Variants in RNFT1 observed in about 807,000 individuals in gnomAD.
The protein encoded by RNFT1 is ring finger protein, transmembrane 1.
Under a neutral mutation model 53.2 loss-of-function variants are expected in RNFT1, and 35 were observed. That is an observed-to-expected ratio of 0.66 (90% CI 0.50 to 0.87). The LOEUF is 0.87. Among genes scored for constraint, RNFT1 ranks in the 40% least tolerant of loss-of-function variants. The pLI, the probability that RNFT1 is intolerant of heterozygous loss-of-function variation, is 0.00. For missense variants in RNFT1, 421 were observed against 515.0 expected, an observed-to-expected ratio of 0.82 and a Z score of 1.77; for synonymous variants, 141 against 172.8, an observed-to-expected ratio of 0.82 and a Z score of 1.44.
chr17:59,961,130 G>T (rs1215752671), intron 3 of RNFT1, among the ~76,000 whole-genome samples: 2 of 151,442 alleles, frequency 1.3e-5, no homozygotes. Context: ...CCAACCACCT[G>T]GGGTCAGGCA....
chr17:59,953,604 C>A lies in RNFT1; in HGVS notation c.1173+441G>T, dbSNP rs370072222. ...CAAAGAGCAGTATGATTGGTAGAGC[C>A]ACTAGTGTTCTGGCTGTACCATCCA... On this transcript the variant is annotated intron_variant, in intron 8 of 8. Coordinates refer to ENST00000305783, the MANE Select transcript of RNFT1 (RefSeq NM_016125.4). Among the ~76,000 whole-genome samples, 41 of 152,276 alleles carry A rather than the reference C, an allele frequency of 2.7e-4. 1 individual carries two copies. Among genetic ancestry groups the A allele is most frequent in the African/African-American group, 9.9e-4 (41 of 41,538 alleles).
At position 59,957,267 on chromosome 17, in the gene RNFT1, C is replaced by T. The variant is rs1245786829; in HGVS notation, c.962G>A (p.Trp321Ter). The change falls in exon 6 of 9, where the codon TGG becomes TAG. Residue 321 changes from tryptophan (W) to a stop codon, truncating the protein, a stop_gained. Transcript: ENST00000305783. LOFTEE classifies it high-confidence loss of function. Reference protein sequence around the residue: ...SYGEFGNVTRWSLGILLALLY... With the variant: ...SYGEFGNVTR ...TAAAGCCAGCAGTATCCCAAGACTC[C>T]ATCTAGTTACGTTACCAAACTCCCC... 2.5e-6 allele frequency: 4 copies of T among 1,613,660 alleles called. No homozygotes were observed. The highest frequency in any genetic ancestry group is 3.4e-6 in the Non-Finnish European group (4 of 1,179,876).
intron 5 of RNFT1, among the ~76,000 whole-genome samples, chr17:59,957,914 T>A (rs1480835845): frequency 6.6e-6 from 1 of 152,128 alleles, no homozygotes; most frequent in Non-Finnish European, 1.5e-5. Flanking sequence ...AAAACCTATG[T>A]GAGTATGTTT....
At chr17:59,958,091 A>G (rs1598864258) in intron 5 of RNFT1, among the ~76,000 whole-genome samples, 200 bp downstream of exon 5, 1 of 152,366 alleles carries the variant, frequency 6.6e-6, no homozygotes, top group African/African-American at 2.4e-5. Context: ...TGAAGCAAAT[A>G]TAATTCTGAT....
intron 5 of RNFT1, among the ~76,000 whole-genome samples, chr17:59,957,948 G>C (rs2045264406): frequency 6.6e-6 from 1 of 152,194 alleles, no homozygotes; most frequent in African/African-American, 2.4e-5. Flanking sequence ...GAATTTAAAA[G>C]TTTTTAGTGC....
Position 59,963,212 on chromosome 17 carries a change from G to C in RNFT1, c.129C>G (p.Ser43Arg). The change falls in exon 2 of 9, where the codon AGC becomes AGG. Residue 43 changes from serine to arginine, a missense_variant. Physicochemically the swap from Ser to Arg is moderately radical, Grantham distance 110. Coordinates refer to ENST00000305783, the MANE Select transcript of RNFT1 (RefSeq NM_016125.4). Reference sequence around the variant, plus strand: ...CAGTTCCTGGAGGACTGTGCAGTTGGCTACGATTGGCTTGCATGGCCCTTA... The same window carrying C: ...CAGTTCCTGGAGGACTGTGCAGTTGCCTACGATTGGCTTGCATGGCCCTTA... The part of the protein sequence containing the change: ...KYLRAMQANR[S>R]QLHSPPGTGS... 2 of 1,614,036 alleles carry C rather than the reference G, an allele frequency of 1.2e-6. No individual in the cohort carries two copies. The highest frequency in any genetic ancestry group is 1.7e-6 in the Non-Finnish European group (2 of 1,179,998).
intron 3 of RNFT1, 118 bp from the exon 4 acceptor site, chr17:59,960,286 A>G (rs1158744695): frequency 4.4e-6 from 5 of 1,147,338 alleles, no homozygotes; most frequent in Non-Finnish European, 4.8e-6. Context: ...TTAATATAGA[A>G]TATGTTAAAC....
intron 8 of RNFT1, 76 bp from the exon 9 acceptor site, chr17:59,953,187 A>ATT: frequency 1.3e-5 from 12 of 935,136 alleles, no homozygotes; most frequent in South Asian, 5.2e-5. Flanking sequence ...AATGAAAGGG[A>ATT]TTCTTTTTTT....
intron 3 of RNFT1, chr17:59,962,213 A>T (rs889652744): frequency 2.6e-5 from 5 of 191,626 alleles, no homozygotes; most frequent in African/African-American, 4.7e-5. Flanking sequence ...TGATGGTCTT[A>T]CTTACTATGG....
chr17:59,961,668 C>A (rs541282800), intron 3 of RNFT1, among the ~76,000 whole-genome samples: 128 of 152,052 alleles, frequency 8.4e-4, no homozygotes, highest in Admixed American at 1.4e-3. Context: ...CCTCTGCCTC[C>A]CGGGTTCAAG....
Position 59,957,207 on chromosome 17 carries a change from T to G in RNFT1, c.1005+17A>C. 6.2e-7 allele frequency: 1 copy of G among 1,607,818 alleles called. No homozygotes were observed. The highest frequency in any genetic ancestry group is 8.5e-7 in the Non-Finnish European group (1 of 1,177,360). ...TAATGTGAATCATGCAGTGACAAGA[T>G]TTGTAATGTTACCTACTTTTAATAT... On this transcript the variant is annotated intron_variant, in intron 6 of 8. Transcript: ENST00000305783.
intron 2 of RNFT1, 48 bp downstream of exon 2, chr17:59,962,775 AAATT>A: frequency 6.6e-7 from 1 of 1,513,124 alleles, no homozygotes; most frequent in East Asian, 2.3e-5. Context: ...TAATGAAAGA[AAATT>A]AACTGAATTT....
chr17:59,960,437 CAAAA>C (rs11406596), intron 3 of RNFT1, among the ~76,000 whole-genome samples: 2 of 68,324 alleles, frequency 2.9e-5, no homozygotes, highest in Non-Finnish European at 5.0e-5. Flanking sequence ...AGTCTTCTCT[CAAAA>C]AAAAAAAAAA....
intron 3 of RNFT1, among the ~76,000 whole-genome samples, chr17:59,960,420 G>A (rs1598865480): frequency 1.7e-5 from 1 of 57,836 alleles, no homozygotes. Flanking sequence ...ATGTTTCAAA[G>A]AAGCCAAGTC....
At position 59,952,466 on chromosome 17, in the gene RNFT1, T is replaced by C. The variant is rs2045226455; in HGVS notation, c.*511A>G. The C allele has an allele frequency of 1.3e-5, 2 of 152,306 alleles. No individual in the cohort carries two copies. The highest frequency in any genetic ancestry group is 2.4e-5 in the African/African-American group (1 of 41,442). 9.4% of individuals were successfully genotyped at this position (152,306 alleles called of 1,614,324 possible). On this transcript the variant is annotated 3_prime_UTR_variant, in exon 9 of 9. Transcript: ENST00000305783. ...TAAATTAATCTTCACTTAGAAAATG[T>C]TACTGATAAAATACAACATTTAGAA...
intron 3 of RNFT1, among the ~76,000 whole-genome samples, chr17:59,961,644 T>C (rs2045293027): frequency 6.6e-6 from 1 of 151,974 alleles, no homozygotes; most frequent in Non-Finnish European, 1.5e-5. Context: ...TGGCACAATC[T>C]TGGCTCACTG....
intron 7 of RNFT1, among the ~76,000 whole-genome samples, chr17:59,955,401 C>A (rs970499385): frequency 1.3e-5 from 2 of 152,158 alleles, no homozygotes; most frequent in African/African-American, 2.4e-5. Context: ...ACTGCCATTT[C>A]CCTGGTAAAG....
In RNFT1 at chr17:59,956,538, CA is replaced by C. The variant is rs1224280935; in HGVS notation, c.1020del (p.Phe340LeufsTer4). On this transcript the variant is annotated frameshift_variant, in exon 7 of 9. Coordinates refer to ENST00000305783, the MANE Select transcript of RNFT1 (RefSeq NM_016125.4). LOFTEE classifies it high-confidence loss of function. ...LYLILKLLEF[F>X]GHLRTFRQVL... ...ACCTGTCTGAAAGTTCTCAGATGCCCAAAAAATTCCAAAAGCTGAAAAGAGA... is the reference window on the plus strand; with the variant it reads ...ACCTGTCTGAAAGTTCTCAGATGCCCAAAAATTCCAAAAGCTGAAAAGAGA... 1.9e-6 allele frequency: 3 copies of C among 1,611,904 alleles called. No individual in the cohort carries two copies. The highest frequency in any genetic ancestry group is 2.5e-6 in the Non-Finnish European group (3 of 1,178,702).
At position 59,952,918 on chromosome 17, in the gene RNFT1, T is replaced by A; in HGVS notation, c.*59A>T. On this transcript the variant is annotated 3_prime_UTR_variant, in exon 9 of 9. Transcript: ENST00000305783. Reference sequence around the variant, plus strand: ...CCTGAAAATCCATTCTGATGCCTTATCAGTAGTCATTATGACCAAATGACA... The same window carrying A: ...CCTGAAAATCCATTCTGATGCCTTAACAGTAGTCATTATGACCAAATGACA... 1 of 1,519,688 alleles carries A rather than the reference T, an allele frequency of 6.6e-7. No homozygotes were observed. The allele number at this position is 1,519,688 out of a possible 1,614,324, so 94.1% of individuals were successfully genotyped here. A position where few individuals can be genotyped will look rare whatever the true frequency, so the allele number is the denominator to read the frequency against.
Sources: allele counts gnomAD v4.1 joint callset (sites outside exome capture counted in the v4.1 genomes callset), GRCh38; gene constraint gnomAD v4.1.1; transcripts MANE v1.5; gene names NCBI Gene and HGNC (gene_info 2026-07-23, HGNC 2026-07-21).